ZBTB44: variants seen among roughly 807,000 people sequenced by gnomAD.
ZBTB44 encodes zinc finger and BTB domain containing 44.
In ZBTB44, 15 loss-of-function variants were observed where a neutral mutation model predicts 54.0. That is an observed-to-expected ratio of 0.28 (90% CI 0.19 to 0.43). The LOEUF is 0.43. Among genes scored for constraint, ZBTB44 ranks in the 20% least tolerant of loss-of-function variants. The pLI, the probability that ZBTB44 is intolerant of heterozygous loss-of-function variation, is 1.00. For missense variants in ZBTB44, 487 were observed against 707.1 expected, an observed-to-expected ratio of 0.69 and a Z score of 3.53; for synonymous variants, 230 against 250.1, an observed-to-expected ratio of 0.92 and a Z score of 0.76.
rs375680633 is a variant in ZBTB44, at chr11:130,239,826, C to T, written c.1089G>A (p.Pro363=). The T allele has an allele frequency of 3.6e-5, 58 of 1,612,030 alleles. No individual in the cohort carries two copies. Among genetic ancestry groups the T allele is most frequent in the Admixed American group, 5.0e-5 (3 of 59,938 alleles). The part of the protein sequence containing the change: ...LQSTSSTNAP[P]DDDDRLENVQ... ...TTAGTACTGACCGATCATCATCATC[C>T]GGAGGAGCATTAGTGCTAGACGTGC... Residue 363 remains proline, a synonymous_variant, in exon 3 of 8, where the codon CCG becomes CCA. Transcript: ENST00000357899.
intron 1 of ZBTB44, among the ~76,000 whole-genome samples, chr11:130,291,070 T>C (rs1292543914): frequency 1.3e-5 from 2 of 152,072 alleles, no homozygotes; most frequent in Non-Finnish European, 2.9e-5. Context: ...TCCTCACTGA[T>C]CTCCACAGGT....
chr11:130,310,331 G>A (rs1016517119), intron 1 of ZBTB44: 4 of 152,184 alleles, frequency 2.6e-5, no homozygotes, highest in African/African-American at 9.7e-5. Context: ...TCCAGGGAGT[G>A]AGGGACCACC....
intron 1 of ZBTB44, among the ~76,000 whole-genome samples, chr11:130,305,266 C>T (rs1942204329): frequency 6.6e-6 from 1 of 152,096 alleles, no homozygotes. Context: ...TTCTAAAATT[C>T]ATATGGAACC....
intron 2 of ZBTB44, among the ~76,000 whole-genome samples, chr11:130,251,623 A>C (rs1260067242): frequency 6.6e-6 from 1 of 152,180 alleles, no homozygotes; most frequent in Non-Finnish European, 1.5e-5. Context: ...CCAATATTCA[A>C]ATTCTTAAAG....
At chr11:130,274,797 A>G (rs1160501653) in intron 1 of ZBTB44, among the ~76,000 whole-genome samples, 4 of 152,206 alleles carry the variant, frequency 2.6e-5, no homozygotes, top group African/African-American at 7.2e-5. Flanking sequence ...TCCATTATTC[A>G]TAAGAGATAT....
Position 130,296,402 on chromosome 11 carries a change from C to T in ZBTB44, c.-57+17973G>A, listed in dbSNP as rs1438798329. ...TGCTGAACTACATTGATTTGCCCGT[C>T]TTGGCCATTCATGGAAAGCAAAAGC... On this transcript the variant is annotated intron_variant, in intron 1 of 7. Coordinates refer to ENST00000357899, the MANE Select transcript of ZBTB44 (RefSeq NM_001301098.2). The T allele has an allele frequency of 2.0e-6, 3 of 1,505,412 alleles. No homozygotes were observed. The East Asian group carries it at 6.8e-5, about 34-fold the overall frequency. The allele number at this position is 1,505,412 out of a possible 1,614,324, so 93.3% of individuals were successfully genotyped here.
intron 7 of ZBTB44, chr11:130,232,594 T>C: frequency 6.6e-6 from 1 of 152,258 alleles, no homozygotes; most frequent in African/African-American, 2.4e-5. Context: ...ATACTCTTCA[T>C]TGTTGCCTAC....
At chr11:130,262,441 T>G (rs519024) in intron 1 of ZBTB44, among the ~76,000 whole-genome samples, 85,528 of 152,076 alleles carry the variant, frequency 0.56, 27,595 homozygotes, top group South Asian at 0.7. Context: ...GCCCGGCCTG[T>G]GAACCAGCGT....
intron 1 of ZBTB44, among the ~76,000 whole-genome samples, chr11:130,280,195 T>A (rs1940404084): frequency 6.6e-6 from 1 of 152,176 alleles, no homozygotes; most frequent in Non-Finnish European, 1.5e-5. Flanking sequence ...TTTGCAATTA[T>A]AATAAATGCA....
Position 130,238,439 on chromosome 11 carries a change from A to G in ZBTB44, c.1267+5T>C. ...CTTACGCACCAACAGGGAAGGTGAC[A>G]TTACCTGAGTGGATGAGCATGTGCT... On this transcript the variant is annotated splice_donor_5th_base_variant and intron_variant, in intron 4 of 7. Coordinates refer to ENST00000357899, the MANE Select transcript of ZBTB44 (RefSeq NM_001301098.2). 1 of 1,603,576 alleles carries G rather than the reference A, an allele frequency of 6.2e-7. No homozygotes were observed. The highest frequency in any genetic ancestry group is 8.5e-7 in the Non-Finnish European group (1 of 1,174,992).
At chr11:130,268,955 TATA>T (rs1361616253) in intron 1 of ZBTB44, among the ~76,000 whole-genome samples, 2 of 151,098 alleles carry the variant, frequency 1.3e-5, no homozygotes, top group African/African-American at 4.9e-5. Flanking sequence ...AACCACAAGG[TATA>T]ACCTGAAGTT....
chr11:130,299,903 C>T (rs369416099), intron 1 of ZBTB44, among the ~76,000 whole-genome samples: 4 of 152,262 alleles, frequency 2.6e-5, no homozygotes, highest in African/African-American at 9.6e-5. Context: ...AAGGTAGAAG[C>T]AACCCAAATG....
intron 2 of ZBTB44, among the ~76,000 whole-genome samples, chr11:130,247,069 T>C (rs933106534): frequency 2.6e-5 from 4 of 152,162 alleles, no homozygotes; most frequent in East Asian, 3.9e-4. Context: ...CCTCACTTCC[T>C]TGAACCCTCC....
intron 1 of ZBTB44, among the ~76,000 whole-genome samples, chr11:130,313,733 C>T (rs1044560679): frequency 6.6e-6 from 1 of 152,102 alleles, no homozygotes; most frequent in Non-Finnish European, 1.5e-5. Flanking sequence ...AAAAAGCACA[C>T]AATTACGGGG....
chr11:130,245,534 G>A (rs1954604045), intron 2 of ZBTB44, among the ~76,000 whole-genome samples: 1 of 152,168 alleles, frequency 6.6e-6, no homozygotes, highest in African/African-American at 2.4e-5. Context: ...GTATTAAAGC[G>A]TACAGACAAA....
chr11:130,248,313 G>A (rs113331753), intron 2 of ZBTB44, among the ~76,000 whole-genome samples: 5 of 152,302 alleles, frequency 3.3e-5, no homozygotes, highest in African/African-American at 1.2e-4. Context: ...TTTGTTGAGA[G>A]TGATTAGTAC....
intron 5 of ZBTB44, chr11:130,236,121 C>T: frequency 7.8e-7 from 1 of 1,284,188 alleles, no homozygotes; most frequent in South Asian, 1.2e-5. Context: ...TTTTATCTTT[C>T]TCTAAGTTTC....
intron 2 of ZBTB44, among the ~76,000 whole-genome samples, chr11:130,254,171 C>G (rs1055634875): frequency 2.0e-5 from 3 of 151,996 alleles, no homozygotes; most frequent in Non-Finnish European, 4.4e-5. Context: ...AGGACTTCAT[C>G]TCTAAAACAC....
At chr11:130,307,424 CAA>C (rs35105255) in intron 1 of ZBTB44, among the ~76,000 whole-genome samples, 8,701 of 137,490 alleles carry the variant, frequency 0.063, 642 homozygotes, top group African/African-American at 0.18. Context: ...GACTCTGTCT[CAA>C]AAAAAAAAAA....
Sources: gnomAD v4.1 joint callset for allele counts (sites outside exome capture counted in the v4.1 genomes callset) on GRCh38, gnomAD v4.1.1 for gene constraint, MANE v1.5 for transcripts, NCBI Gene and HGNC (gene_info 2026-07-23, HGNC 2026-07-21) for gene names.